The following RPTOR variants were observed in gnomAD, a reference collection of about 807,000 sequenced individuals.
The protein encoded by RPTOR is regulatory-associated protein of mTOR.
A neutral mutation model predicts 169.9 loss-of-function variants in RPTOR; 21 were observed. The ratio of observed to expected loss-of-function variants is 0.12; its 90% CI spans 0.09 to 0.18. RPTOR has a LOEUF of 0.18. Among genes scored for constraint, RPTOR ranks in the 10% least tolerant of loss-of-function variants. The pLI is 1.00. For missense variants in RPTOR, 1,133 were observed against 1,855.9 expected (o/e 0.61, Z 7.16); for synonymous variants, 732 against 753.2 (o/e 0.97, Z 0.46).
At chr17:80,890,450 G>A (rs984285325) in intron 17 of RPTOR, among the ~76,000 whole-genome samples, 13 of 151,340 alleles carry the variant, frequency 8.6e-5, no homozygotes, top group African/African-American at 3.1e-4. Context: ...CAGTGACTTA[G>A]GCAGTTGGAG....
chr17:80,602,850 G>A (rs536450541), intron 1 of RPTOR: 6 of 565,408 alleles, frequency 1.1e-5, no homozygotes, highest in Admixed American at 2.6e-5. Context: ...AATGTTGATG[G>A]TGTCTTCTCG....
At chr17:80,847,763 G>A (rs773343539) in intron 11 of RPTOR, among the ~76,000 whole-genome samples, 5 of 152,232 alleles carry the variant, frequency 3.3e-5, no homozygotes, top group African/African-American at 9.6e-5. Context: ...GGAGAGGGGC[G>A]TGAGTGGCGC....
chr17:80,891,520 TG>T (rs1461737238), intron 17 of RPTOR, among the ~76,000 whole-genome samples, 199 bp from the exon 18 acceptor site: 5 of 152,250 alleles, frequency 3.3e-5, no homozygotes, highest in African/African-American at 9.6e-5. Flanking sequence ...CGTGAGCCAG[TG>T]GCCTGCCGTC....
Position 80,820,372 on chromosome 17 carries a change from C to T in RPTOR, c.891-1829C>T, listed in dbSNP as rs2067366846. 6.6e-6 allele frequency among the ~76,000 whole-genome samples: 1 copy of T among 152,218 alleles called. No homozygotes were observed. The highest frequency in any genetic ancestry group is 2.1e-4 in the South Asian group (1 of 4,826). On this transcript the variant is annotated intron_variant, in intron 7 of 33. Coordinates refer to ENST00000306801, the MANE Select transcript of RPTOR (RefSeq NM_020761.3). The surrounding 1 kb of genome is among the most constrained non-coding windows in gnomAD (Gnocchi z 4.1). ...ACACAAGTGTGTTGGGGCTCCATGT[C>T]CACCCCACGATGCCCCCCGTGCCCC...
chr17:80,898,878 G>A (rs976347832), intron 20 of RPTOR, among the ~76,000 whole-genome samples: 4 of 151,868 alleles, frequency 2.6e-5, no homozygotes, highest in African/African-American at 7.3e-5. Context: ...TGACAGCAGC[G>A]CATGACAGGA....
intron 3 of RPTOR, among the ~76,000 whole-genome samples, chr17:80,700,610 GTGATGGTGGTGGTGGTGGCGGCGA>G (rs2066082558): frequency 6.7e-6 from 1 of 148,998 alleles, no homozygotes; most frequent in African/African-American, 2.5e-5. Context: ...GGTGATGATG[GTGATGGTGGTGGTGGTGGCGGCGA>G]TGATGGTGGT....
intron 25 of RPTOR, among the ~76,000 whole-genome samples, chr17:80,941,638 A>C (rs1304238055): frequency 6.6e-6 from 1 of 152,236 alleles, no homozygotes; most frequent in Admixed American, 6.5e-5. Flanking sequence ...CTCTGACCCC[A>C]GTCTGCAGGT....
chr17:80,810,766 A>G (rs2067264787), intron 7 of RPTOR, among the ~76,000 whole-genome samples: 1 of 152,232 alleles, frequency 6.6e-6, no homozygotes, highest in Non-Finnish European at 1.5e-5. Flanking sequence ...CCATGCACAT[A>G]GTGGCTTCAT....
intron 28 of RPTOR, among the ~76,000 whole-genome samples, chr17:80,950,697 G>T (rs2069164813): frequency 6.6e-6 from 1 of 152,100 alleles, no homozygotes; most frequent in Non-Finnish European, 1.5e-5. Context: ...CCAGCCCGGG[G>T]CCCTGGTCCA....
At chr17:80,575,470 G>A (rs1290846689) in intron 1 of RPTOR, among the ~76,000 whole-genome samples, 2 of 152,232 alleles carry the variant, frequency 1.3e-5, no homozygotes, top group Non-Finnish European at 2.9e-5. Context: ...GCAGTAGCAG[G>A]TGCACCGCAC....
intron 13 of RPTOR, among the ~76,000 whole-genome samples, chr17:80,875,535 C>T (rs59943410): frequency 6.9e-4 from 105 of 152,306 alleles, no homozygotes; most frequent in African/African-American, 2.4e-3. Flanking sequence ...CTCTGGCCTT[C>T]ACATGTCACC....
At chr17:80,953,542 C>A (rs55833830) in intron 28 of RPTOR, among the ~76,000 whole-genome samples, 29,078 of 152,254 alleles carry the variant, frequency 0.19, 3,255 homozygotes, top group Middle Eastern at 0.3. Context: ...GGCCTCAGGG[C>A]CTCCTGGCGC....
At chr17:80,778,978 C>T (rs972398556) in intron 6 of RPTOR, among the ~76,000 whole-genome samples, 7 of 152,178 alleles carry the variant, frequency 4.6e-5, no homozygotes, top group African/African-American at 1.7e-4. Context: ...CTGGACATCG[C>T]CAGGTGTTTG....
Position 80,887,543 on chromosome 17 carries a change from G to A in RPTOR, c.1983+2395G>A, listed in dbSNP as rs1662446223. Reference sequence around the variant, plus strand: ...AAGCACCAAGGAGCCTGGCGGCGTGGAGCCGGCCCCATTCTCGCAGCCTCT... The same window carrying A: ...AAGCACCAAGGAGCCTGGCGGCGTGAAGCCGGCCCCATTCTCGCAGCCTCT... On this transcript the variant is annotated intron_variant, in intron 17 of 33. Transcript: ENST00000306801. Among the ~76,000 whole-genome samples, 3 of 152,188 alleles carry A rather than the reference G, an allele frequency of 2.0e-5. No homozygotes were observed. The South Asian group carries it at 6.2e-4, about 31-fold the overall frequency.
intron 3 of RPTOR, among the ~76,000 whole-genome samples, chr17:80,665,379 TTTCC>T (rs1567845988): frequency 1.1e-3 from 7 of 6,098 alleles, no homozygotes; most frequent in Non-Finnish European, 1.8e-3. Flanking sequence ...TTTCCTTTCC[TTTCC>T]TTTCCTTTCC....
chr17:80,761,036 C>T (rs1307305429), intron 6 of RPTOR, among the ~76,000 whole-genome samples: 4 of 152,074 alleles, frequency 2.6e-5, no homozygotes, highest in African/African-American at 9.7e-5. Context: ...AAACTGATTT[C>T]AATAATTCCA....
chr17:80,711,480 T>C (rs932625054), intron 4 of RPTOR, among the ~76,000 whole-genome samples: 9 of 152,154 alleles, frequency 5.9e-5, no homozygotes, highest in African/African-American at 2.2e-4. Flanking sequence ...AAATGGAACA[T>C]CAGTTCTGTG....
At chr17:80,722,370 T>C (rs913254198) in intron 4 of RPTOR, among the ~76,000 whole-genome samples, 1 of 151,116 alleles carries the variant, frequency 6.6e-6, no homozygotes, top group Admixed American at 6.6e-5. Flanking sequence ...CAGGGAGTTA[T>C]ATTTGATTGC....
intron 2 of RPTOR, among the ~76,000 whole-genome samples, chr17:80,631,503 A>T (rs1051895390): frequency 6.6e-6 from 1 of 151,990 alleles, no homozygotes; most frequent in African/African-American, 2.4e-5. Context: ...TGGGCTGTGC[A>T]TGTGCCCGGG....
Sources: allele counts gnomAD v4.1 joint callset (sites outside exome capture counted in the v4.1 genomes callset), GRCh38; gene constraint gnomAD v4.1.1; non-coding constraint Gnocchi (gnomAD v3.1); transcripts MANE v1.5; gene names NCBI Gene and HGNC (gene_info 2026-07-23, HGNC 2026-07-21).